RIPK2: variants seen among roughly 807,000 people sequenced by gnomAD.
RIPK2 encodes the protein receptor-interacting serine/threonine-protein kinase 2.
RIPK2 carries 38 observed loss-of-function variants against 60.9 expected under a neutral mutation model. That is an observed-to-expected ratio of 0.62 (90% CI 0.48 to 0.82). RIPK2 has a LOEUF of 0.82. Among genes scored for constraint, RIPK2 ranks in the 40% least tolerant of loss-of-function variants. RIPK2 has a pLI of 0.00. For synonymous variants in RIPK2, 225 were observed against 223.4 expected, an observed-to-expected ratio of 1.01 and a Z score of -0.06; for missense variants, 518 against 647.0, an observed-to-expected ratio of 0.80 and a Z score of 2.16.
At chr8:89,766,332 T>C (rs1399063875) in intron 3 of RIPK2, among the ~76,000 whole-genome samples, 2 of 151,896 alleles carry the variant, frequency 1.3e-5, no homozygotes, top group Non-Finnish European at 2.9e-5. Context: ...TCTTCATTAC[T>C]CTGTGATAAA....
At chr8:89,787,559 A>G (rs1809606872) in intron 9 of RIPK2, among the ~76,000 whole-genome samples, 1 of 152,272 alleles carries the variant, frequency 6.6e-6, no homozygotes, top group Non-Finnish European at 1.5e-5. Context: ...ACATACAGGT[A>G]CAGAAGCAAG....
chr8:89,770,407 G>C (rs770584896), intron 4 of RIPK2, among the ~76,000 whole-genome samples: 2 of 151,786 alleles, frequency 1.3e-5, no homozygotes, highest in Non-Finnish European at 3.0e-5. Context: ...CAATGGGTTT[G>C]ATAAGATCAT....
chr8:89,782,621 A>T (rs1308018629), intron 7 of RIPK2, among the ~76,000 whole-genome samples: 1 of 151,788 alleles, frequency 6.6e-6, no homozygotes, highest in African/African-American at 2.4e-5. Flanking sequence ...CCTGGGCAAC[A>T]TACCAAGACC....
chr8:89,761,633 G>C (rs1809146376), intron 1 of RIPK2, among the ~76,000 whole-genome samples: 1 of 151,414 alleles, frequency 6.6e-6, no homozygotes, highest in Non-Finnish European at 1.5e-5. Flanking sequence ...AGGTACATTG[G>C]CACACCCCTG....
At chr8:89,770,608 G>T (rs1021805051) in intron 4 of RIPK2, among the ~76,000 whole-genome samples, 1 of 151,754 alleles carries the variant, frequency 6.6e-6, no homozygotes, top group Admixed American at 6.6e-5. Context: ...GAATGCAAAA[G>T]CAGACTCTCT....
At chr8:89,783,507 G>A (rs1333929363) in intron 7 of RIPK2, among the ~76,000 whole-genome samples, 1 of 152,134 alleles carries the variant, frequency 6.6e-6, no homozygotes, top group Non-Finnish European at 1.5e-5. Flanking sequence ...TCAAACAGAT[G>A]TGGGTCTCTA....
At chr8:89,776,287 T>C (rs1809397536) in intron 6 of RIPK2, among the ~76,000 whole-genome samples, 1 of 152,186 alleles carries the variant, frequency 6.6e-6, no homozygotes, top group Non-Finnish European at 1.5e-5. Flanking sequence ...GTTGGAAACA[T>C]GAAGAAAAGG....
Position 89,789,494 on chromosome 8 carries a change from C to T in RIPK2, c.1285+12C>T. 1.9e-6 allele frequency: 3 copies of T among 1,609,890 alleles called. No homozygotes were observed. The highest frequency in any genetic ancestry group is 2.5e-6 in the Non-Finnish European group (3 of 1,178,036). ...TGCAGGAAACTCAGGTAAATATTTA[C>T]TGTGAAACACCTTGTAAGTGATGCC... is the stretch of plus-strand genomic sequence containing the variant. On this transcript the variant is annotated intron_variant, in intron 10 of 10. Transcript: ENST00000220751.
At chr8:89,772,428 C>G (rs1809329188) in intron 5 of RIPK2, among the ~76,000 whole-genome samples, 1 of 151,994 alleles carries the variant, frequency 6.6e-6, no homozygotes, top group Admixed American at 6.6e-5. Context: ...CTCTGTTGAC[C>G]AAATCCAATC....
chr8:89,769,688 A>G (rs1211119625), intron 3 of RIPK2, 84 bp from the exon 4 acceptor site: 2 of 860,796 alleles, frequency 2.3e-6, no homozygotes, highest in Non-Finnish European at 3.5e-6. Flanking sequence ...TGATATCTAA[A>G]TACAGTGAAT....
chr8:89,776,687 A>T (rs1295228833), intron 6 of RIPK2, among the ~76,000 whole-genome samples: 1 of 152,198 alleles, frequency 6.6e-6, no homozygotes, highest in Admixed American at 6.5e-5. Flanking sequence ...TTTAAGAACC[A>T]CTTATCTATG....
chr8:89,790,385 C>G lies in RIPK2; in HGVS notation c.1592C>G (p.Ser531Cys). 2 of 1,599,996 alleles carry G rather than the reference C, an allele frequency of 1.3e-6. No homozygotes were observed. Among genetic ancestry groups the G allele is most frequent in the South Asian group, 2.2e-5 (2 of 89,430 alleles). ...PEILVVSRSP[S>C]LNLLQNKSM ...ATACTTGTGGTTTCTAGATCACCAT[C>G]TTTAAATTTACTTCAAAATAAAAGC... Residue 531 changes from serine to cysteine, a missense_variant, in exon 11 of 11, where the codon TCT (serine) becomes TGT (cysteine). Ser to Cys is a moderately radical substitution (Grantham distance 112, BLOSUM62 -1). Around this residue, in one of 3 missense-constraint regions of RIPK2, gnomAD observed 41 missense variants for 43.7 expected, o/e 0.94. Transcript: ENST00000220751.
At chr8:89,784,210 T>G (rs1809548563) in intron 8 of RIPK2, 71 bp downstream of exon 8, 3 of 1,001,518 alleles carry the variant, frequency 3.0e-6, no homozygotes, top group South Asian at 1.7e-5. Flanking sequence ...AAAAATCATT[T>G]GGTCTAAGCC....
At chr8:89,759,478 C>A in intron 1 of RIPK2, 1 of 440,786 alleles carries the variant, frequency 2.3e-6, no homozygotes, top group Non-Finnish European at 4.6e-6. Flanking sequence ...AATTCCTCAG[C>A]TTCCGCCCTG....
intron 3 of RIPK2, among the ~76,000 whole-genome samples, chr8:89,768,483 C>T (rs1032804569): frequency 6.6e-6 from 1 of 151,634 alleles, no homozygotes; most frequent in Non-Finnish European, 1.5e-5. Flanking sequence ...GGGTCAATAT[C>T]AGTCCTTTTG....
At chr8:89,762,802 G>T in intron 1 of RIPK2, 27 bp from the exon 2 acceptor site, 1 of 1,233,242 alleles carries the variant, frequency 8.1e-7, no homozygotes, top group South Asian at 2.1e-5. Flanking sequence ...TTTATTACTT[G>T]AATAATTATG....
chr8:89,777,878 A>C (rs895140557), intron 6 of RIPK2, among the ~76,000 whole-genome samples: 1 of 152,116 alleles, frequency 6.6e-6, no homozygotes, highest in African/African-American at 2.4e-5. Flanking sequence ...GGAACCTGAA[A>C]GGGAAAGGAA....
At chr8:89,773,277 C>G (rs913587889) in intron 6 of RIPK2, among the ~76,000 whole-genome samples, 1 of 151,986 alleles carries the variant, frequency 6.6e-6, no homozygotes, top group African/African-American at 2.4e-5. Context: ...GAAACAAAGG[C>G]CTTTTTTTAG....
At position 89,789,310 on chromosome 8, in the gene RIPK2, G is replaced by A. The variant is rs200115471; in HGVS notation, c.1124-11G>A. On this transcript the variant is annotated splice_polypyrimidine_tract_variant and intron_variant, in intron 9 of 10. Coordinates refer to ENST00000220751, the MANE Select transcript of RIPK2 (RefSeq NM_003821.6). ...GTATTCTACTTCTAATGAAGATGTT[G>A]TATTTTGTAGGAAAAGCTCAAGACT... The A allele has an allele frequency of 9.8e-5, 158 of 1,611,548 alleles. No homozygotes were observed. Among genetic ancestry groups the A allele is most frequent in the Admixed American group, 2.0e-4 (12 of 59,814 alleles).
Sources: gnomAD v4.1 joint callset for allele counts (sites outside exome capture counted in the v4.1 genomes callset) on GRCh38, gnomAD v4.1.1 for gene constraint, gnomAD v4.1.1 regional missense constraint, MANE v1.5 for transcripts, NCBI Gene and HGNC (gene_info 2026-07-23, HGNC 2026-07-21) for gene names.